Variants in CHD7 observed in about 807,000 individuals in gnomAD.
CHD7 encodes the protein chromodomain helicase DNA binding protein 7.
CHD7 carries 24 observed loss-of-function variants against 307.3 expected under a neutral mutation model. That is an observed-to-expected ratio of 0.08 (90% confidence interval 0.06 to 0.11). The LOEUF (loss-of-function observed/expected upper bound fraction) is 0.11. CHD7 is among the 10% of genes least tolerant of loss of function. The pLI is 1.00. For missense variants in CHD7, 3,106 were observed against 3,727.1 expected, an observed-to-expected ratio of 0.83 and a Z score of 4.34; for synonymous variants, 1,363 against 1,349.9, an observed-to-expected ratio of 1.01 and a Z score of -0.21.
At chr8:60,785,295 C>G (rs1182654010) in intron 3 of CHD7, among the ~76,000 whole-genome samples, 1 of 152,208 alleles carries the variant, frequency 6.6e-6, no homozygotes, top group African/African-American at 2.4e-5. Context: ...CACAGACTTG[C>G]TGCTAATGCA....
chr8:60,840,826 C>T (rs1326479822), intron 19 of CHD7, among the ~76,000 whole-genome samples: 1 of 152,062 alleles, frequency 6.6e-6, no homozygotes, highest in East Asian at 1.9e-4. Flanking sequence ...CCATGTTAGC[C>T]AGGCTGGTCT....
At chr8:60,819,133 T>G (rs948154916) in intron 8 of CHD7, among the ~76,000 whole-genome samples, 2 of 152,126 alleles carry the variant, frequency 1.3e-5, no homozygotes, top group Admixed American at 1.3e-4. Context: ...TTTTGTATTT[T>G]TAGTAGAGAC....
In CHD7 at chr8:60,822,706, G is replaced by A. The variant is rs750203389; in HGVS notation, c.3161G>A (p.Arg1054Gln). The A allele has an allele frequency of 6.2e-6, 10 of 1,613,216 alleles. No homozygotes were observed. Among genetic ancestry groups the A allele is most frequent in the Non-Finnish European group, 5.9e-6 (7 of 1,179,406 alleles). ...TATCATGGGAGTCAAGCTAGTCGTC[G>A]GACCATTCAGTTGTATGAAATGTAC... ...VVYHGSQASRRTIQLYEMYFK... is the reference protein window; with the variant it reads ...VVYHGSQASRQTIQLYEMYFK... Residue 1054 changes from arginine to glutamine, a missense_variant, in exon 12 of 38, where the codon CGG becomes CAG. By Grantham distance (43) the Arg-to-Gln change is conservative. Transcript: ENST00000423902.
chr8:60,814,676 G>A (rs1803646014), intron 7 of CHD7, among the ~76,000 whole-genome samples: 1 of 152,110 alleles, frequency 6.6e-6, no homozygotes, highest in Admixed American at 6.5e-5. Flanking sequence ...CGAACTACTG[G>A]CCTCAGGTGA....
At chr8:60,821,734 A>C in intron 9 of CHD7, 56 bp from the exon 10 acceptor site, 1 of 1,449,456 alleles carries the variant, frequency 6.9e-7, no homozygotes, top group Non-Finnish European at 9.4e-7. Context: ...ATATATATGT[A>C]TATGTATGTA....
intron 19 of CHD7, among the ~76,000 whole-genome samples, chr8:60,841,251 A>T (rs1333055831): frequency 6.6e-6 from 1 of 152,214 alleles, no homozygotes; most frequent in African/African-American, 2.4e-5. Context: ...GCCTTGGCAC[A>T]TGCTCTGCTG....
intron 1 of CHD7, among the ~76,000 whole-genome samples, chr8:60,701,787 T>C (rs1457844296): frequency 6.6e-6 from 1 of 152,232 alleles, no homozygotes; most frequent in East Asian, 1.9e-4. Flanking sequence ...TTCCTGGAGA[T>C]CTTGAAAAGT....
At chr8:60,857,991 C>T (rs540948904) in intron 34 of CHD7, among the ~76,000 whole-genome samples, 1 of 152,320 alleles carries the variant, frequency 6.6e-6, no homozygotes, top group South Asian at 2.1e-4. Context: ...CATGGTGGCT[C>T]ACGCCTGTAA....
chr8:60,770,581 C>T (rs1810660945), intron 2 of CHD7, among the ~76,000 whole-genome samples: 1 of 152,202 alleles, frequency 6.6e-6, no homozygotes, highest in African/African-American at 2.4e-5. Context: ...AACTTTCTTT[C>T]CAAGTAAGTA....
At chr8:60,747,198 C>T (rs996341210) in intron 2 of CHD7, among the ~76,000 whole-genome samples, 30 of 152,044 alleles carry the variant, frequency 2.0e-4, no homozygotes, top group African/African-American at 6.8e-4. Context: ...TGCTCATACT[C>T]CCTAGTAGTT....
chr8:60,831,916 A>G (rs1485439356), intron 15 of CHD7, among the ~76,000 whole-genome samples: 1 of 152,180 alleles, frequency 6.6e-6, no homozygotes, highest in Non-Finnish European at 1.5e-5. Flanking sequence ...AGTCTCCGTT[A>G]CTAATGGACA....
chr8:60,759,381 ATCTCCC>A (rs1419971039), intron 2 of CHD7, among the ~76,000 whole-genome samples: 1 of 139,266 alleles, frequency 7.2e-6, no homozygotes, highest in African/African-American at 2.7e-5. Flanking sequence ...CTCCCTCTCC[ATCTCCC>A]TCTCCCTCTC....
intron 2 of CHD7, among the ~76,000 whole-genome samples, chr8:60,770,836 C>T (rs1810674303): frequency 6.6e-6 from 1 of 152,146 alleles, no homozygotes; most frequent in Admixed American, 6.5e-5. Context: ...TACCTTACAC[C>T]AAGTTCTCTT....
intron 1 of CHD7, among the ~76,000 whole-genome samples, chr8:60,690,164 CAGAGTGGGTGG>C (rs140572577): frequency 0.047 from 7,189 of 151,738 alleles, 587 homozygotes; most frequent in African/African-American, 0.16. Context: ...TTACATGTTA[CAGAGTGGGTGG>C]ATGTTCCTTT....
At position 60,860,851 on chromosome 8, in the gene CHD7, G is replaced by A. The variant is rs1490029423; in HGVS notation, c.7609-53G>A. 7 of 1,353,160 alleles carry A rather than the reference G, an allele frequency of 5.2e-6. No individual in the cohort carries two copies. The East Asian group carries it at 1.4e-4, about 27-fold the overall frequency. The allele number at this position is 1,353,160 out of a possible 1,614,324, so 83.8% of individuals were successfully genotyped here. ...TAGCGTTTTCTTGAAATAGGACATT[G>A]TCAGAGGCTCTCTCTTCGTGTGAGA... On this transcript the variant is annotated intron_variant, in intron 34 of 37. Coordinates refer to ENST00000423902, the MANE Select transcript of CHD7 (RefSeq NM_017780.4).
intron 8 of CHD7, 105 bp from the exon 9 acceptor site, chr8:60,819,902 T>C: frequency 1.3e-6 from 1 of 776,096 alleles, no homozygotes; most frequent in East Asian, 2.7e-5. Flanking sequence ...AATGTAAGTT[T>C]TATATTGCTG....
Position 60,837,962 on chromosome 8 carries a change from T to C in CHD7, c.4354-114T>C. On this transcript the variant is annotated intron_variant, in intron 18 of 37. Transcript: ENST00000423902. The stretch of plus-strand genomic sequence containing the variant: ...TATTTTAAGTGTATTTTGTAACACT[T>C]TCCTTTGTTATAATTTAGGTTTACT... 3 of 1,262,474 alleles carry C rather than the reference T, an allele frequency of 2.4e-6. No individual in the cohort carries two copies. In the South Asian group the frequency reaches 5.2e-5, roughly 22 times the overall value. The allele number at this position is 1,262,474 out of a possible 1,614,324, so 78.2% of individuals were successfully genotyped here. A position where few individuals can be genotyped will look rare whatever the true frequency, so the allele number is the denominator to read the frequency against.
intron 1 of CHD7, among the ~76,000 whole-genome samples, chr8:60,703,956 C>T (rs6986750): frequency 3.3e-5 from 5 of 152,086 alleles, no homozygotes; most frequent in African/African-American, 9.7e-5. Context: ...GCTTGCACCC[C>T]CTCTTTCATC....
Position 60,856,146 on chromosome 8 carries a change from G to C in CHD7, c.7108G>C (p.Gly2370Arg), listed in dbSNP as rs185940313. 10 of 1,607,368 alleles carry C rather than the reference G, an allele frequency of 6.2e-6. No individual in the cohort carries two copies. The highest frequency in any genetic ancestry group is 8.5e-6 in the Non-Finnish European group (10 of 1,176,824). The change falls in exon 33 of 38, where the codon GGC becomes CGC. Residue 2370 changes from glycine to arginine, a missense_variant. This residue lies in a region of CHD7 where 1,030 missense variants were observed against 1,165.4 expected (regional missense o/e 0.88). Coordinates refer to ENST00000423902, the MANE Select transcript of CHD7 (RefSeq NM_017780.4). ...KRSFAELSMV[G>R]QASISGSEDI... ...GAGCTTTGCTGAGCTCTCCATGGTC[G>C]GCCAAGCCAGCATTAGTGGGAGTGA...
Sources: gnomAD v4.1 joint callset for allele counts (sites outside exome capture counted in the v4.1 genomes callset) on GRCh38, gnomAD v4.1.1 for gene constraint, gnomAD v4.1.1 regional missense constraint, MANE v1.5 for transcripts, NCBI Gene and HGNC (gene_info 2026-07-23, HGNC 2026-07-21) for gene names.